ARID2: variants seen among roughly 807,000 people sequenced by gnomAD.
ARID2 encodes AT-rich interactive domain-containing protein 2.
A neutral mutation model predicts 184.6 loss-of-function variants in ARID2; 32 were observed. That is an observed-to-expected ratio of 0.17 (90% CI 0.13 to 0.23). The LOEUF is 0.23. Ranked by LOEUF, ARID2 falls within the 10% of genes least tolerant of loss-of-function variation. The pLI is 1.00. For missense variants in ARID2, 1,696 were observed against 2,197.6 expected (o/e 0.77, Z 4.56); for synonymous variants, 836 against 772.6 (o/e 1.08, Z -1.36).
intron 3 of ARID2, among the ~76,000 whole-genome samples, chr12:45,743,139 G>A (rs1941293387): frequency 6.6e-6 from 1 of 151,702 alleles, no homozygotes; most frequent in African/African-American, 2.4e-5. Context: ...GGATCACAAG[G>A]TCAGGAGCTC....
At chr12:45,801,382 A>T (rs1038134782) in intron 3 of ARID2, among the ~76,000 whole-genome samples, 2 of 152,174 alleles carry the variant, frequency 1.3e-5, no homozygotes, top group African/African-American at 4.8e-5. Flanking sequence ...GAATCAATGG[A>T]TGCTAAAACT....
intron 6 of ARID2, among the ~76,000 whole-genome samples, chr12:45,823,167 C>G (rs938637722): frequency 5.9e-5 from 9 of 151,986 alleles, no homozygotes; most frequent in Non-Finnish European, 7.4e-5. Context: ...ATAAGAGGAA[C>G]TTTGGAAACT....
chr12:45,889,182 AAAT>A (rs201416247), intron 16 of ARID2, among the ~76,000 whole-genome samples: 4 of 152,298 alleles, frequency 2.6e-5, no homozygotes, highest in East Asian at 1.9e-4. Flanking sequence ...ACTCTGTCTC[AAAT>A]AATAATAATA....
At chr12:45,826,568 C>T (rs1029927992) in intron 6 of ARID2, among the ~76,000 whole-genome samples, 2 of 151,842 alleles carry the variant, frequency 1.3e-5, no homozygotes, top group African/African-American at 4.9e-5. Context: ...ACTCCTGCCA[C>T]CATGCTTGGC....
intron 6 of ARID2, among the ~76,000 whole-genome samples, chr12:45,826,984 T>G (rs1287064223): frequency 6.6e-6 from 1 of 152,140 alleles, no homozygotes; most frequent in Non-Finnish European, 1.5e-5. Flanking sequence ...TTCATTCATA[T>G]TACACATTTC....
chr12:45,846,739 A>G, intron 11 of ARID2, 117 bp from the exon 12 acceptor site: 1 of 818,080 alleles, frequency 1.2e-6, no homozygotes. Flanking sequence ...TCATATGTTT[A>G]TACACCTTTT....
At chr12:45,838,253 G>A (rs1943257153) in intron 10 of ARID2, among the ~76,000 whole-genome samples, 1 of 152,180 alleles carries the variant, frequency 6.6e-6, no homozygotes, top group African/African-American at 2.4e-5. Flanking sequence ...ACCTCCATAA[G>A]AGCTATCAGT....
At chr12:45,884,641 G>C (rs1250388596) in intron 16 of ARID2, among the ~76,000 whole-genome samples, 1 of 152,148 alleles carries the variant, frequency 6.6e-6, no homozygotes, top group Non-Finnish European at 1.5e-5. Flanking sequence ...AGGTCAAAGA[G>C]CAAATACAGA....
Position 45,893,467 on chromosome 12 carries a change from C to T in ARID2, c.5195C>T (p.Ala1732Val), listed in dbSNP as rs2136462251. Residue 1732 changes from alanine (A) to valine (V), a missense_variant, in exon 19 of 21, where the codon GCC (alanine) becomes GTC (valine). Coordinates refer to ENST00000334344, the MANE Select transcript of ARID2 (RefSeq NM_152641.4). ...AGCTCAACTCCTAGAGCACAAAAGGCCATTGTGAATCATCCCAGTGCTGCA... is the reference window on the plus strand; with the variant it reads ...AGCTCAACTCCTAGAGCACAAAAGGTCATTGTGAATCATCCCAGTGCTGCA... The part of the protein sequence containing the change: ...GTSSTPRAQK[A>V]IVNHPSAALM... 1 of 1,613,946 alleles carries T rather than the reference C, an allele frequency of 6.2e-7. No homozygotes were observed. Among genetic ancestry groups the T allele is most frequent in the Non-Finnish European group, 8.5e-7 (1 of 1,179,926 alleles).
At position 45,730,071 on chromosome 12, in the gene ARID2, G is replaced by A. The variant is rs201596354; in HGVS notation, c.120G>A (p.Val40=). Residue 40 remains valine (V), a synonymous_variant, in exon 2 of 21, where the codon GTG becomes GTA. Transcript: ENST00000334344. ...CGCCTTTTAAAAAAATCCCTGCGGTGGGTGGGAAGGAGCTGGATCTTCACG... is the reference window on the plus strand; with the variant it reads ...CGCCTTTTAAAAAAATCCCTGCGGTAGGTGGGAAGGAGCTGGATCTTCACG... ...RGSPFKKIPA[V]GGKELDLHGL... The A allele has an allele frequency of 6.2e-7, 1 of 1,613,670 alleles. No individual in the cohort carries two copies. Among genetic ancestry groups the A allele is most frequent in the East Asian group, 2.2e-5 (1 of 44,816 alleles).
At chr12:45,749,856 T>C (rs1941426429) in intron 3 of ARID2, among the ~76,000 whole-genome samples, 1 of 152,202 alleles carries the variant, frequency 6.6e-6, no homozygotes, top group South Asian at 2.1e-4. Context: ...TGAAGAGAGT[T>C]ACGACCTTGT....
At chr12:45,897,110 C>T (rs576276103) in intron 20 of ARID2, among the ~76,000 whole-genome samples, 1 of 152,192 alleles carries the variant, frequency 6.6e-6, no homozygotes, top group South Asian at 2.1e-4. Context: ...GAAGAGAGGG[C>T]CCAAAAAGTA....
intron 16 of ARID2, among the ~76,000 whole-genome samples, chr12:45,865,893 G>A (rs1197005554): frequency 6.6e-6 from 1 of 152,050 alleles, no homozygotes; most frequent in Non-Finnish European, 1.5e-5. Context: ...CTTAACAAAA[G>A]TGATTCCACA....
chr12:45,859,442 C>T (rs1215660763), intron 15 of ARID2, among the ~76,000 whole-genome samples: 1 of 152,138 alleles, frequency 6.6e-6, no homozygotes, highest in Non-Finnish European at 1.5e-5. Flanking sequence ...CAAACATATT[C>T]CTGTCATTAA....
At chr12:45,862,465 T>C (rs773774046) in intron 16 of ARID2, among the ~76,000 whole-genome samples, 1 of 152,192 alleles carries the variant, frequency 6.6e-6, no homozygotes, top group South Asian at 2.1e-4. Context: ...ACTCTCTCCA[T>C]TTGTCTTGAG....
At chr12:45,835,854 G>A (rs1433908351) in intron 6 of ARID2, among the ~76,000 whole-genome samples, 1 of 151,708 alleles carries the variant, frequency 6.6e-6, no homozygotes, top group African/African-American at 2.4e-5. Context: ...GAGCCGAGAT[G>A]GTGCCATTGC....
rs556231704 is a variant in ARID2 at position 45,761,136 on chromosome 12, AT to A, written c.284+29823del. Reference sequence around the variant, plus strand: ...ACTTAGCTCTGCCATTTTATATCATATCCCTTCAGTGTCCAAGTTGAATCTT... The same window carrying A: ...ACTTAGCTCTGCCATTTTATATCATACCCTTCAGTGTCCAAGTTGAATCTT... On this transcript the variant is annotated intron_variant, in intron 3 of 20. Transcript: ENST00000334344. Among the ~76,000 whole-genome samples, 831 of 152,346 alleles carry A rather than the reference AT, an allele frequency of 5.5e-3. 7 individuals carry two copies. The highest frequency in any genetic ancestry group is 0.019 in the African/African-American group (793 of 41,584).
In ARID2 at chr12:45,879,646, T is replaced by C. The variant is rs553809310; in HGVS notation, c.4923-12134T>C. On this transcript the variant is annotated intron_variant, in intron 16 of 20. Coordinates refer to ENST00000334344, the MANE Select transcript of ARID2 (RefSeq NM_152641.4). Reference sequence around the variant, plus strand: ...AGTTCTCTGACAGATCCAGGAGGAGTTGTAAATTTTCAGTTTGTTCATCTT... The same window carrying C: ...AGTTCTCTGACAGATCCAGGAGGAGCTGTAAATTTTCAGTTTGTTCATCTT... Among the ~76,000 whole-genome samples the C allele has an allele frequency of 4.6e-5, 7 of 152,194 alleles. No homozygotes were observed. In the East Asian group the frequency reaches 9.7e-4, roughly 21 times the overall value.
chr12:45,815,344 T>C (rs1942786759), intron 4 of ARID2, among the ~76,000 whole-genome samples: 1 of 152,238 alleles, frequency 6.6e-6, no homozygotes, highest in Non-Finnish European at 1.5e-5. Flanking sequence ...AAATTTCATT[T>C]ATAAGGATTA....
Sources: gnomAD v4.1 joint callset for allele counts (sites outside exome capture counted in the v4.1 genomes callset) on GRCh38, gnomAD v4.1.1 for gene constraint, MANE v1.5 for transcripts, NCBI Gene and HGNC (gene_info 2026-07-23, HGNC 2026-07-21) for gene names.